Variants in TMEM231 observed in about 807,000 individuals in gnomAD.
TMEM231 encodes the protein transmembrane protein 231.
Under a neutral mutation model 38.5 loss-of-function variants are expected in TMEM231, and 40 were observed. That is an observed-to-expected ratio of 1.04 (90% CI 0.81 to 1.35). The LOEUF (loss-of-function observed/expected upper bound fraction) is 1.35. Among genes scored for constraint, TMEM231 ranks in the 40% most tolerant of loss-of-function variants. TMEM231 has a pLI of 0.00. For synonymous variants in TMEM231, 199 were observed against 181.7 expected, an observed-to-expected ratio of 1.10 and a Z score of -0.77; for missense variants, 420 against 416.9, an observed-to-expected ratio of 1.01 and a Z score of -0.07.
intron 2 of TMEM231, among the ~76,000 whole-genome samples, chr16:75,546,616 T>A (rs1310537537): frequency 2.0e-5 from 3 of 152,130 alleles, no homozygotes; most frequent in African/African-American, 7.2e-5. Context: ...CTAATTTTTT[T>A]ATTTTTAGTA....
chr16:75,541,754 T>A, intron 5 of TMEM231: 1 of 198,204 alleles, frequency 5.0e-6, no homozygotes, highest in Non-Finnish European at 1.0e-5. Context: ...TTTGTAGCTG[T>A]GTGGGGAAGT....
intron 3 of TMEM231, 113 bp from the exon 4 acceptor site, chr16:75,545,608 T>C: frequency 2.8e-6 from 2 of 719,002 alleles, no homozygotes; most frequent in South Asian, 2.0e-5. Flanking sequence ...ATACCTAGCG[T>C]AGCCATGCAG....
At chr16:75,540,691 A>G (rs1043324987) in intron 6 of TMEM231, among the ~76,000 whole-genome samples, 4 of 152,264 alleles carry the variant, frequency 2.6e-5, no homozygotes, top group Non-Finnish European at 5.9e-5. Flanking sequence ...TAGGTCAGAC[A>G]GGGACTGGCA....
At chr16:75,545,241 T>A in intron 4 of TMEM231, 111 bp downstream of exon 4, 1 of 1,443,682 alleles carries the variant, frequency 6.9e-7, no homozygotes, top group Non-Finnish European at 9.4e-7. Flanking sequence ...ATTACAGGTA[T>A]GAGCCACTGC....
At chr16:75,545,680 A>T in intron 3 of TMEM231, 146 bp downstream of exon 3, 2 of 569,292 alleles carry the variant, frequency 3.5e-6, no homozygotes, top group Non-Finnish European at 5.7e-6. Flanking sequence ...TGACTAGTGA[A>T]AACCATTCCA....
chr16:75,546,915 T>C (rs2080699744), intron 2 of TMEM231, among the ~76,000 whole-genome samples: 1 of 152,102 alleles, frequency 6.6e-6, no homozygotes, highest in Non-Finnish European at 1.5e-5. Flanking sequence ...ATTAAAACCA[T>C]ATCTATTTGA....
intron 2 of TMEM231, among the ~76,000 whole-genome samples, chr16:75,550,399 C>T (rs1372967320): frequency 1.3e-5 from 2 of 152,166 alleles, no homozygotes; most frequent in Non-Finnish European, 2.9e-5. Context: ...TTTTTTTCTG[C>T]ACTCCCAGAA....
chr16:75,541,179 AAT>A (rs2080622948), intron 6 of TMEM231, among the ~76,000 whole-genome samples, 169 bp downstream of exon 6: 1 of 120,716 alleles, frequency 8.3e-6, no homozygotes, highest in South Asian at 2.8e-4. Flanking sequence ...ATGCCTGGCT[AAT>A]TTTTTTTTTT....
rs190634546 is a variant in TMEM231 at position 75,543,682 on chromosome 16, T to C, written c.583-999A>G. 5.3e-5 allele frequency among the ~76,000 whole-genome samples: 8 copies of C among 152,356 alleles called. No homozygotes were observed. In the East Asian group the frequency reaches 5.8e-4, roughly 11 times the overall value. On this transcript the variant is annotated intron_variant, in intron 4 of 6. Transcript: ENST00000258173. Reference sequence around the variant, plus strand: ...TCTTTTCTGGGTGCTAAGTTCTTTATCACTTTTAAATATAGAGATATAGAT... The same window carrying C: ...TCTTTTCTGGGTGCTAAGTTCTTTACCACTTTTAAATATAGAGATATAGAT...
intron 6 of TMEM231, 89 bp downstream of exon 6, chr16:75,541,261 C>G (rs1276303528): frequency 2.5e-6 from 2 of 801,508 alleles, no homozygotes; most frequent in African/African-American, 1.8e-5. Flanking sequence ...TTCAAATGAT[C>G]CTCCCACCTT....
Position 75,540,025 on chromosome 16 carries a change from CG to C in TMEM231, c.919del (p.Arg307GlyfsTer33). 10 of 1,613,114 alleles carry C rather than the reference CG, an allele frequency of 6.2e-6. No homozygotes were observed. The highest frequency in any genetic ancestry group is 8.5e-6 in the Non-Finnish European group (10 of 1,179,460). Reference sequence around the variant, plus strand: ...TAAGTGCTCCTTACACAAGTCTCCCCGGGGCGTCACTGTCACAGGAATGGTG... The same window carrying C: ...TAAGTGCTCCTTACACAAGTCTCCCCGGGCGTCACTGTCACAGGAATGGTG... ...VTTIPVTVTP[R>X]GDLCKEHLS is the part of the protein sequence containing the mutation. On this transcript the variant is annotated frameshift_variant, in exon 7 of 7. Transcript: ENST00000258173. LOFTEE classifies it high-confidence loss of function.
In TMEM231 at chr16:75,541,430, G is replaced by A. The variant is rs2080627781; in HGVS notation, c.690C>T (p.Asn230=). 1 of 1,611,282 alleles carries A rather than the reference G, an allele frequency of 6.2e-7. No homozygotes were observed. Among genetic ancestry groups the A allele is most frequent in the Admixed American group, 1.7e-5 (1 of 59,670 alleles). ...RNVTTVLNDP[N]PIWLVGRAAD... is the part of the protein sequence containing the mutation. ...CGGCCCTGCCCACCAGCCAGATGGG[G>A]TTGGGATCATTCAGGACGGTGGTAA... Residue 230 remains asparagine, a synonymous_variant, in exon 6 of 7, where the codon AAC becomes AAT. Coordinates refer to ENST00000258173, the MANE Select transcript of TMEM231 (RefSeq NM_001077418.3).
rs1004328851 is a variant in TMEM231 at position 75,539,750 on chromosome 16, C to G, written c.*244G>C. 49 of 375,672 alleles carry G rather than the reference C, an allele frequency of 1.3e-4. No homozygotes were observed. Among genetic ancestry groups the G allele is most frequent in the Non-Finnish European group, 2.0e-4 (43 of 212,002 alleles). 23.3% of individuals were successfully genotyped at this position (375,672 alleles called of 1,614,324 possible). A position where few individuals can be genotyped will look rare whatever the true frequency, so the allele number is the denominator to read the frequency against. On this transcript the variant is annotated 3_prime_UTR_variant, in exon 7 of 7. Coordinates refer to ENST00000258173, the MANE Select transcript of TMEM231 (RefSeq NM_001077418.3). ...CAACGCTAAGGCAAAGAAGGAAAAC[C>G]CAAAAAGCTAATTATAGCCTCCAGG...
At chr16:75,548,360 G>T (rs1299730144) in intron 2 of TMEM231, among the ~76,000 whole-genome samples, 1 of 152,154 alleles carries the variant, frequency 6.6e-6, no homozygotes, top group Non-Finnish European at 1.5e-5. Flanking sequence ...ACCATCAATA[G>T]TGTCTACTTG....
intron 2 of TMEM231, among the ~76,000 whole-genome samples, chr16:75,551,305 C>T (rs2080758188): frequency 3.3e-5 from 5 of 152,156 alleles, no homozygotes; most frequent in Admixed American, 2.6e-4. Context: ...TCAAGTGATC[C>T]TCCCACCTCA....
At chr16:75,546,224 G>C in intron 2 of TMEM231, 1 of 920,552 alleles carries the variant, frequency 1.1e-6, no homozygotes, top group South Asian at 1.6e-5. Flanking sequence ...GATAGTATTT[G>C]TGCCTTTCAG....
upstream of TMEM231, chr16:75,556,271 T>G (rs964025567): frequency 3.6e-5 from 50 of 1,386,214 alleles, no homozygotes; most frequent in South Asian, 4.4e-4. Context: ...CTGGTTGCCA[T>G]CGCCTCGGTC....
In TMEM231 at chr16:75,547,867, A is replaced by T. The variant is rs118092725; in HGVS notation, c.310-1913T>A. On this transcript the variant is annotated intron_variant, in intron 2 of 6. Transcript: ENST00000258173. ...GGATCTGGGTAGAAAATCTTATGTA[A>T]CTCTCTGTGATGGATCCACACCTTC... is the stretch of plus-strand genomic sequence containing the variant. 5.9e-3 allele frequency among the ~76,000 whole-genome samples: 898 copies of T among 152,086 alleles called. 12 individuals carry two copies. Among genetic ancestry groups the T allele is most frequent in the Non-Finnish European group, 8.6e-3 (586 of 67,978 alleles).
rs1292271410 is a variant in TMEM231, at chr16:75,542,699, A to G, written c.583-16T>C. ...TCACGGATATCTGGGACACGGGAGG[A>G]GGATGTGGTGTGAGCACCTGGGAGA... is the stretch of plus-strand genomic sequence containing the variant. On this transcript the variant is annotated splice_polypyrimidine_tract_variant and intron_variant, in intron 4 of 6. Coordinates refer to ENST00000258173, the MANE Select transcript of TMEM231 (RefSeq NM_001077418.3). 1 of 1,612,964 alleles carries G rather than the reference A, an allele frequency of 6.2e-7. No individual in the cohort carries two copies. The highest frequency in any genetic ancestry group is 8.5e-7 in the Non-Finnish European group (1 of 1,179,322).
Sources: allele counts gnomAD v4.1 joint callset (sites outside exome capture counted in the v4.1 genomes callset), GRCh38; gene constraint gnomAD v4.1.1; transcripts MANE v1.5; gene names NCBI Gene and HGNC (gene_info 2026-07-23, HGNC 2026-07-21).